TNS4: variants seen among roughly 807,000 people sequenced by gnomAD.
TNS4 encodes tensin-4.
A neutral mutation model predicts 70.4 loss-of-function variants in TNS4; 46 were observed. The observed-to-expected ratio is 0.65, with a 90% CI of 0.52 to 0.84. TNS4 has a LOEUF of 0.84. Ranked by LOEUF, TNS4 falls within the 40% of genes least tolerant of loss-of-function variation. The probability of loss-of-function intolerance (pLI) is 0.00; values close to 1 mark genes in which losing one functional copy is unlikely to be tolerated. For synonymous variants in TNS4, 390 were observed against 366.6 expected, an observed-to-expected ratio of 1.06 and a Z score of -0.73; for missense variants, 863 against 907.0, an observed-to-expected ratio of 0.95 and a Z score of 0.62.
At chr17:40,495,327 C>T (rs2036128621) in intron 2 of TNS4, among the ~76,000 whole-genome samples, 1 of 152,104 alleles carries the variant, frequency 6.6e-6, no homozygotes, top group Admixed American at 6.5e-5. Flanking sequence ...CACATGTCTC[C>T]AGCTCCTCAT....
At chr17:40,496,893 A>C (rs2036152907) in intron 1 of TNS4, among the ~76,000 whole-genome samples, 1 of 152,208 alleles carries the variant, frequency 6.6e-6, no homozygotes, top group South Asian at 2.1e-4. Context: ...TTGCTGAGTA[A>C]TTATTATCCA....
In TNS4 at chr17:40,482,127, A is replaced by G. The variant is rs777971567; in HGVS notation, c.1672+2T>C. On this transcript the variant is annotated splice_donor_variant, in intron 8 of 12. Coordinates refer to ENST00000254051, the MANE Select transcript of TNS4 (RefSeq NM_032865.6). LOFTEE classifies it high-confidence loss of function. ...CATTGCCTCTTTGGGGCCCAGACCC[A>G]CCTCTCTGTGGGATGGTGAGTTTGC... 2.5e-6 allele frequency: 4 copies of G among 1,613,996 alleles called. No individual in the cohort carries two copies. Among genetic ancestry groups the G allele is most frequent in the Non-Finnish European group, 3.4e-6 (4 of 1,179,980 alleles).
chr17:40,481,983 A>T, intron 8 of TNS4, 146 bp downstream of exon 8: 1 of 832,242 alleles, frequency 1.2e-6, no homozygotes, highest in Non-Finnish European at 1.9e-6. Context: ...CACAGCTAGG[A>T]GGTGGAGATG....
rs116894709 is a variant in TNS4, at chr17:40,500,720, C to G, written c.-96+814G>C. ...GGGGCAAGGGTAAAGCCTGAGTCTC[C>G]CCCAAAGCACTTTGCCTCATTAGCC... On this transcript the variant is annotated intron_variant, in intron 1 of 12. Coordinates refer to ENST00000254051, the MANE Select transcript of TNS4 (RefSeq NM_032865.6). Among the ~76,000 whole-genome samples the G allele has an allele frequency of 8.7e-3, 1,321 of 152,300 alleles. 17 individuals carry two copies. The highest frequency in any genetic ancestry group is 0.013 in the Admixed American group (195 of 15,302).
intron 3 of TNS4, among the ~76,000 whole-genome samples, chr17:40,487,704 C>G (rs1011616022): frequency 6.6e-6 from 1 of 152,182 alleles, no homozygotes; most frequent in South Asian, 2.1e-4. Context: ...TGAGCTGACC[C>G]CTGCAGGCTT....
Position 40,488,854 on chromosome 17 carries a change from G to C in TNS4, c.555C>G (p.Leu185=), listed in dbSNP as rs751069590. ...PFGSLRSGGL[L]LSRDVPRETR... ...TCTCTCGGGGGACGTCTCTGGAAAG[G>C]AGGAGGCCACCACTGCGAAGGGAGC... Residue 185 remains leucine (L), a synonymous_variant, in exon 3 of 13, where the codon CTC becomes CTG. Coordinates refer to ENST00000254051, the MANE Select transcript of TNS4 (RefSeq NM_032865.6). 19 of 1,613,588 alleles carry C rather than the reference G, an allele frequency of 1.2e-5. No individual in the cohort carries two copies. The highest frequency in any genetic ancestry group is 1.5e-5 in the Non-Finnish European group (18 of 1,179,940).
In TNS4 at chr17:40,487,335, C is replaced by A. The variant is rs1306468145; in HGVS notation, c.989G>T (p.Ser330Ile). Residue 330 changes from serine to isoleucine, a missense_variant, in exon 4 of 13, where the codon AGT becomes ATT. By Grantham distance (142) the Ser-to-Ile change is moderately radical. Coordinates refer to ENST00000254051, the MANE Select transcript of TNS4 (RefSeq NM_032865.6). ...LGSVSLCTRP[S>I]DFQAPRNPTL... is the part of the protein sequence containing the mutation. ...GGGGTTTCTGGGAGCCTGGAAGTCA[C>A]TGGGTCTTGTACACAGGGACACTGA... 1.9e-6 allele frequency: 3 copies of A among 1,614,058 alleles called. No homozygotes were observed. Among genetic ancestry groups the A allele is most frequent in the Non-Finnish European group, 2.5e-6 (3 of 1,180,046 alleles).
chr17:40,484,393 C>A, intron 6 of TNS4, 91 bp downstream of exon 6: 1 of 1,549,246 alleles, frequency 6.5e-7, no homozygotes, highest in Non-Finnish European at 8.7e-7. Flanking sequence ...CGCCATGTCA[C>A]CCTGAAAGCT....
chr17:40,476,860 CA>C lies in TNS4; in HGVS notation c.*727del, dbSNP rs34164992. ...CCTGGGTGACAGTGAGACTCTGTCT[CA>C]AAAAAAAATAAAAATAAAAACCAAG... On this transcript the variant is annotated 3_prime_UTR_variant, in exon 13 of 13. Transcript: ENST00000254051. 0.25 allele frequency: 38,203 copies of C among 149,838 alleles called. 6,968 individuals carry two copies. The highest frequency in any genetic ancestry group is 0.53 in the African/African-American group (21,463 of 40,842). 9.3% of individuals were successfully genotyped at this position (149,838 alleles called of 1,614,324 possible).
Position 40,477,559 on chromosome 17 carries a change from G to A in TNS4, c.*29C>T, listed in dbSNP as rs776631147. ...GGCTCCTTAGCGAGCCCCTGGAGGT[G>A]TTGGTTAGGTGCACAGGCAGTCTCT... is the stretch of plus-strand genomic sequence containing the variant. On this transcript the variant is annotated 3_prime_UTR_variant, in exon 13 of 13. Transcript: ENST00000254051. 5.6e-6 allele frequency: 9 copies of A among 1,612,820 alleles called. No individual in the cohort carries two copies. The East Asian group carries it at 1.8e-4, about 32-fold the overall frequency.
intron 2 of TNS4, among the ~76,000 whole-genome samples, chr17:40,489,570 G>T (rs139544416): frequency 0.011 from 1,704 of 152,254 alleles, 38 homozygotes; most frequent in African/African-American, 0.039. Flanking sequence ...CACTTTGGGA[G>T]GCCTAGGCGG....
In TNS4 at chr17:40,496,354, G is replaced by C; in HGVS notation, c.72C>G (p.Pro24=). ...TGGGTGCTGGGTGCAGGGTCCTCCT[G>C]GGCTCATCACAAGGCGCCAAGCTGA... ...HAVSLAPCDE[P]RRTLHPAPSP... Residue 24 remains proline (P), a synonymous_variant, in exon 2 of 13, where the codon CCC becomes CCG. Transcript: ENST00000254051. 3 of 1,613,544 alleles carry C rather than the reference G, an allele frequency of 1.9e-6. No homozygotes were observed. Among genetic ancestry groups the C allele is most frequent in the Non-Finnish European group, 2.5e-6 (3 of 1,179,938 alleles).
chr17:40,478,215 A>T (rs1394363434), intron 12 of TNS4, 92 bp downstream of exon 12: 1 of 1,543,634 alleles, frequency 6.5e-7, no homozygotes, highest in Non-Finnish European at 8.9e-7. Context: ...CCTCATCAAC[A>T]CTTTGGACTA....
chr17:40,501,303 C>T (rs903718257), intron 1 of TNS4, among the ~76,000 whole-genome samples: 3 of 151,988 alleles, frequency 2.0e-5, no homozygotes, highest in Non-Finnish European at 2.9e-5. Flanking sequence ...GAAAATTAGC[C>T]GGGCATGGTG....
Position 40,487,456 on chromosome 17 carries a change from G to C in TNS4, c.868C>G (p.Gln290Glu). 1 of 1,601,768 alleles carries C rather than the reference G, an allele frequency of 6.2e-7. No homozygotes were observed. The highest frequency in any genetic ancestry group is 8.5e-7 in the Non-Finnish European group (1 of 1,171,208). Residue 290 changes from glutamine to glutamate, a missense_variant, in exon 4 of 13, where the codon CAG becomes GAG. Gln to Glu is a conservative substitution (Grantham distance 29, BLOSUM62 2). Transcript: ENST00000254051. Reference sequence around the variant, plus strand: ...GAGTTGCTGGAGTGCAGGAGGGACTGGCTGCTGCAGCGGGAGAGAGTCAGA... The same window carrying C: ...GAGTTGCTGGAGTGCAGGAGGGACTCGCTGCTGCAGCGGGAGAGAGTCAGA... The part of the protein sequence containing the change: ...SDVSYMFGSS[Q>E]SLLHSSNSSH...
In TNS4 at chr17:40,487,076, G is replaced by C; in HGVS notation, c.1248C>G (p.Ser416Arg). ...SNPCPATRSN[S>R]QTLSDAPFTT... ...TAAAGGGGGCATCTGACAGGGTCTG[G>C]CTGTTGCTCCTGGTGGCTGGACAGG... The change falls in exon 4 of 13, where the codon AGC becomes AGG. Residue 416 changes from serine to arginine, a missense_variant. Transcript: ENST00000254051. The C allele has an allele frequency of 6.2e-7, 1 of 1,614,238 alleles. No homozygotes were observed. The highest frequency in any genetic ancestry group is 8.5e-7 in the Non-Finnish European group (1 of 1,180,034).
At chr17:40,477,907 T>C in intron 12 of TNS4, 178 bp from the exon 13 acceptor site, 1 of 629,298 alleles carries the variant, frequency 1.6e-6, no homozygotes. Context: ...GCCTCTCCCG[T>C]CAGACTGGGA....
At chr17:40,480,560 A>G in intron 9 of TNS4, 140 bp downstream of exon 9, 10 of 784,726 alleles carry the variant, frequency 1.3e-5, no homozygotes, top group Non-Finnish European at 1.6e-5. Flanking sequence ...GCACCTTGTT[A>G]AAGATGCAGA....
At chr17:40,477,871 T>C (rs2035869281) in intron 12 of TNS4, 142 bp from the exon 13 acceptor site, 3 of 727,180 alleles carry the variant, frequency 4.1e-6, no homozygotes, top group South Asian at 1.8e-5. Context: ...CACCTCCTTA[T>C]GGTGGGGCTC....
Sources: gnomAD v4.1 joint callset for allele counts (sites outside exome capture counted in the v4.1 genomes callset) on GRCh38, gnomAD v4.1.1 for gene constraint, MANE v1.5 for transcripts, NCBI Gene and HGNC (gene_info 2026-07-23, HGNC 2026-07-21) for gene names.